IL6R: variants seen among roughly 807,000 people sequenced by gnomAD.
IL6R encodes interleukin-6 receptor subunit alpha.
In IL6R, 38 loss-of-function variants were observed where a neutral mutation model predicts 48.3. The observed-to-expected ratio is 0.79, with a 90% CI of 0.61 to 1.03. The LOEUF is 1.03. Among genes scored for constraint, IL6R ranks in the 50% least tolerant of loss-of-function variants. The probability of loss-of-function intolerance (pLI) is 0.00; values close to 1 mark genes in which losing one functional copy is unlikely to be tolerated. For missense variants in IL6R, 534 were observed against 618.3 expected, an observed-to-expected ratio of 0.86 and a Z score of 1.45; for synonymous variants, 264 against 256.2, an observed-to-expected ratio of 1.03 and a Z score of -0.29.
Position 154,467,377 on chromosome 1 carries a change from C to A in IL6R, c.*1997C>A, listed in dbSNP as rs1691602159. The A allele has an allele frequency of 6.6e-6, 1 of 152,180 alleles. No homozygotes were observed. The highest frequency in any genetic ancestry group is 1.5e-5 in the Non-Finnish European group (1 of 68,040). 9.4% of individuals were successfully genotyped at this position (152,180 alleles called of 1,614,324 possible). ...GATATGATTTAAATCAGCCGTGTAA[C>A]CATGGACCCAATATTTACCAGACCA... On this transcript the variant is annotated 3_prime_UTR_variant, in exon 10 of 10. Transcript: ENST00000368485.
intron 3 of IL6R, among the ~76,000 whole-genome samples, chr1:154,433,070 G>A (rs1270036597): frequency 6.6e-6 from 1 of 152,262 alleles, no homozygotes; most frequent in Non-Finnish European, 1.5e-5. Context: ...CTGAGCCCCG[G>A]CCCTCTGACC....
At chr1:154,449,319 A>C (rs1175212248) in intron 7 of IL6R, among the ~76,000 whole-genome samples, 1 of 152,020 alleles carries the variant, frequency 6.6e-6, no homozygotes, top group Non-Finnish European at 1.5e-5. Flanking sequence ...GTTCAAGACC[A>C]TCCTGACCAA....
chr1:154,436,117 C>T lies in IL6R; in HGVS notation c.949+7C>T, dbSNP rs1034814738. On this transcript the variant is annotated splice_region_variant and intron_variant, in intron 6 of 9. Coordinates refer to ENST00000368485, the MANE Select transcript of IL6R (RefSeq NM_000565.4). ...ATGGGCACGCCTTGGACAGGTACTG[C>T]GGTGGGCACTGAGAAAGGAAGGGAT... The T allele has an allele frequency of 8.2e-6, 13 of 1,592,592 alleles. No individual in the cohort carries two copies. Among genetic ancestry groups the T allele is most frequent in the East Asian group, 6.8e-5 (3 of 44,264 alleles).
intron 6 of IL6R, among the ~76,000 whole-genome samples, chr1:154,447,077 C>G (rs1315755575): frequency 6.6e-6 from 1 of 152,084 alleles, no homozygotes; most frequent in African/African-American, 2.4e-5. Context: ...GAAGTTAAAG[C>G]TACAGTGAGC....
intron 6 of IL6R, among the ~76,000 whole-genome samples, chr1:154,436,658 C>T (rs1178703846): frequency 3.3e-5 from 5 of 152,158 alleles, no homozygotes; most frequent in Admixed American, 1.3e-4. Flanking sequence ...GGCTGGTGGC[C>T]GAGGCCCTGG....
intron 1 of IL6R, among the ~76,000 whole-genome samples, chr1:154,410,095 C>G (rs1373857243): frequency 6.6e-6 from 1 of 152,076 alleles, no homozygotes; most frequent in African/African-American, 2.4e-5. Context: ...ATGGATGCTC[C>G]CTGCCCTGGA....
intron 8 of IL6R, chr1:154,454,176 G>A (rs1323256291): frequency 1.2e-5 from 5 of 419,644 alleles, no homozygotes; most frequent in African/African-American, 4.0e-5. Context: ...CTGAAAGTGA[G>A]TAGGAGTCTG....
chr1:154,421,307 G>A (rs951007680), intron 1 of IL6R, among the ~76,000 whole-genome samples: 2 of 152,188 alleles, frequency 1.3e-5, no homozygotes, highest in South Asian at 2.1e-4. Flanking sequence ...CATTGAGCCT[G>A]CACATACTTT....
At chr1:154,437,799 T>C (rs565386872) in intron 6 of IL6R, among the ~76,000 whole-genome samples, 2 of 151,842 alleles carry the variant, frequency 1.3e-5, no homozygotes, top group African/African-American at 2.4e-5. Flanking sequence ...CTGCAAGCTC[T>C]GCCTCTTGGG....
Position 154,465,496 on chromosome 1 carries a change from T to G in IL6R, c.*116T>G, listed in dbSNP as rs1691514010. ...ATCTCAGGGGTGTGCGGCCTTTGGC[T>G]TCACGGAAGAGCCTTGCGGAAGGTT... On this transcript the variant is annotated 3_prime_UTR_variant, in exon 10 of 10. Transcript: ENST00000368485. 3 of 1,223,332 alleles carry G rather than the reference T, an allele frequency of 2.5e-6. No individual in the cohort carries two copies. Among genetic ancestry groups the G allele is most frequent in the Non-Finnish European group, 2.3e-6 (2 of 852,468 alleles). The allele number at this position is 1,223,332 out of a possible 1,614,324, so 75.8% of individuals were successfully genotyped here.
rs189275551 is a variant in IL6R, at chr1:154,445,848, C to T, written c.950-2277C>T. ...AGGCTCCAGACGAAGCTGACTCTGGCGGGGTTTGGAAAACTGCTGAACTGC... is the reference window on the plus strand; with the variant it reads ...AGGCTCCAGACGAAGCTGACTCTGGTGGGGTTTGGAAAACTGCTGAACTGC... On this transcript the variant is annotated intron_variant, in intron 6 of 9. Coordinates refer to ENST00000368485, the MANE Select transcript of IL6R (RefSeq NM_000565.4). 6.6e-5 allele frequency among the ~76,000 whole-genome samples: 10 copies of T among 151,970 alleles called. No homozygotes were observed. The South Asian group carries it at 8.3e-4, about 13-fold the overall frequency.
At chr1:154,430,258 C>A (rs906163080) in intron 2 of IL6R, among the ~76,000 whole-genome samples, 1 of 152,186 alleles carries the variant, frequency 6.6e-6, no homozygotes, top group Admixed American at 6.5e-5. Context: ...TCCCCTGTCC[C>A]GGATCCGTGT....
chr1:154,450,132 G>GTGTGTGTA, intron 8 of IL6R, 152 bp downstream of exon 8: 1 of 620,272 alleles, frequency 1.6e-6, no homozygotes, highest in Non-Finnish European at 3.0e-6. Flanking sequence ...GTGTGTGTGT[G>GTGTGTGTA]TGTGTGTGTG....
At chr1:154,435,816 C>A (rs1381634285) in intron 5 of IL6R, among the ~76,000 whole-genome samples, 153 bp from the exon 6 acceptor site, 2 of 152,200 alleles carry the variant, frequency 1.3e-5, no homozygotes, top group Non-Finnish European at 2.9e-5. Flanking sequence ...TGAGGGCAAC[C>A]CCCTCTCTAG....
At chr1:154,433,022 G>A (rs1344600352) in intron 3 of IL6R, among the ~76,000 whole-genome samples, 1 of 152,252 alleles carries the variant, frequency 6.6e-6, no homozygotes, top group Non-Finnish European at 1.5e-5. Context: ...TGGACCAGGC[G>A]CAGTGCTGGG....
At chr1:154,462,188 A>G (rs1294277737) in intron 9 of IL6R, among the ~76,000 whole-genome samples, 4 of 152,196 alleles carry the variant, frequency 2.6e-5, no homozygotes, top group Non-Finnish European at 5.9e-5. Flanking sequence ...TTTACAATCA[A>G]CACCCAGATC....
chr1:154,417,650 A>G (rs1446859652), intron 1 of IL6R, among the ~76,000 whole-genome samples: 1 of 151,962 alleles, frequency 6.6e-6, no homozygotes, highest in Non-Finnish European at 1.5e-5. Context: ...GCTCACTGCA[A>G]ACTCCATCTC....
chr1:154,455,874 T>C (rs1282654957), intron 9 of IL6R, among the ~76,000 whole-genome samples: 2 of 151,780 alleles, frequency 1.3e-5, no homozygotes, highest in Non-Finnish European at 2.9e-5. Flanking sequence ...CTGGCCAAAA[T>C]GATAAAACCC....
chr1:154,421,623 G>GT (rs1254939508), intron 1 of IL6R, among the ~76,000 whole-genome samples: 5 of 152,240 alleles, frequency 3.3e-5, no homozygotes, highest in Admixed American at 2.6e-4. Context: ...AACTCTCACT[G>GT]TTTTTTGTTT....
Sources: allele counts gnomAD v4.1 joint callset (sites outside exome capture counted in the v4.1 genomes callset), GRCh38; gene constraint gnomAD v4.1.1; transcripts MANE v1.5; gene names NCBI Gene and HGNC (gene_info 2026-07-23, HGNC 2026-07-21).